TRIM38: variants seen among roughly 807,000 people sequenced by gnomAD.
The protein encoded by TRIM38 is E3 ubiquitin-protein ligase TRIM38.
TRIM38 carries 35 observed loss-of-function variants against 35.8 expected under a neutral mutation model. The observed-to-expected ratio is 0.98, with a 90% CI of 0.75 to 1.30. The LOEUF (loss-of-function observed/expected upper bound fraction) is 1.30. TRIM38 is among the 50% of genes most tolerant of loss of function. The pLI, the probability that TRIM38 is intolerant of heterozygous loss-of-function variation, is 0.00. For missense variants in TRIM38, 545 were observed against 556.9 expected (o/e 0.98, Z 0.21); for synonymous variants, 198 against 204.7 (o/e 0.97, Z 0.28).
chr6:25,979,470 A>T (rs1316795810), intron 7 of TRIM38, among the ~76,000 whole-genome samples: 1 of 152,122 alleles, frequency 6.6e-6, no homozygotes, highest in Non-Finnish European at 1.5e-5. Context: ...TTTTCTAGGA[A>T]GTAATAATTT....
chr6:25,987,680 T>TA lies in TRIM38; in HGVS notation c.*3994dup, dbSNP rs769532244. On this transcript the variant is annotated 3_prime_UTR_variant, in exon 8 of 8. Transcript: ENST00000357085. ...GTAGTACATTTATTACAATTGAACT[T>TA]ACATTGACACGTCATTATCAACGAA... 3.3e-5 allele frequency: 5 copies of TA among 152,208 alleles called. No individual in the cohort carries two copies. Among genetic ancestry groups the TA allele is most frequent in the African/African-American group, 4.8e-5 (2 of 41,448 alleles). 9.4% of individuals were successfully genotyped at this position (152,208 alleles called of 1,614,324 possible).
chr6:25,983,109 C>G, intron 7 of TRIM38, 55 bp from the exon 8 acceptor site: 1 of 1,493,820 alleles, frequency 6.7e-7, no homozygotes, highest in African/African-American at 1.4e-5. Context: ...AATAAAATAA[C>G]CTGTGTTCTT....
In TRIM38 at chr6:25,969,371, G is replaced by A; in HGVS notation, c.458G>A (p.Arg153Lys). 2 of 1,612,974 alleles carry A rather than the reference G, an allele frequency of 1.2e-6. No homozygotes were observed. The highest frequency in any genetic ancestry group is 2.2e-5 in the South Asian group (2 of 90,654). The change falls in exon 4 of 8, where the codon AGA (arginine) becomes AAA (lysine). Residue 153 changes from arginine (R) to lysine (K), a missense_variant. By Grantham distance (26) the Arg-to-Lys change is conservative (BLOSUM62 2). Transcript: ENST00000357085. ...ACAAAACTGAAGCAACTTGAAGACAGATGTACGGAGCAGAAGCTGTCCACA... is the reference window on the plus strand; with the variant it reads ...ACAAAACTGAAGCAACTTGAAGACAAATGTACGGAGCAGAAGCTGTCCACA... ...AVTKLKQLED[R>K]CTEQKLSTAM...
chr6:25,978,028 T>G (rs1760447596), intron 7 of TRIM38, among the ~76,000 whole-genome samples: 1 of 152,128 alleles, frequency 6.6e-6, no homozygotes, highest in African/African-American at 2.4e-5. Context: ...CTTCATAATA[T>G]ATATATACAC....
intron 7 of TRIM38, among the ~76,000 whole-genome samples, chr6:25,975,856 C>T (rs1478921594): frequency 6.6e-6 from 1 of 152,160 alleles, no homozygotes; most frequent in African/African-American, 2.4e-5. Context: ...TACAATGTTG[C>T]TACAATAACT....
At chr6:25,971,834 A>G in intron 4 of TRIM38, 35 bp from the exon 5 acceptor site, 1 of 1,570,088 alleles carries the variant, frequency 6.4e-7, no homozygotes, top group Non-Finnish European at 8.8e-7. Flanking sequence ...CATTTGGTTT[A>G]CTTCCACCTT....
intron 7 of TRIM38, chr6:25,975,151 TG>T: frequency 1.0e-6 from 1 of 976,680 alleles, no homozygotes; most frequent in Non-Finnish European, 1.2e-6. Flanking sequence ...ATTTCTTAAA[TG>T]GGCTTATCTT....
chr6:25,973,786 A>C, intron 7 of TRIM38: 2 of 985,458 alleles, frequency 2.0e-6, no homozygotes, highest in Non-Finnish European at 2.4e-6. Context: ...CTTGACTTAG[A>C]TAACACAGAT....
chr6:25,973,409 C>G, intron 7 of TRIM38, 124 bp downstream of exon 7: 2 of 1,458,062 alleles, frequency 1.4e-6, no homozygotes, highest in Non-Finnish European at 1.8e-6. Context: ...TTCAGTAGAG[C>G]TTTCATACTT....
In TRIM38 at chr6:25,983,242, A is replaced by T. The variant is rs1374604876; in HGVS notation, c.953A>T (p.Tyr318Phe). 3 of 1,614,036 alleles carry T rather than the reference A, an allele frequency of 1.9e-6. No individual in the cohort carries two copies. Among genetic ancestry groups the T allele is most frequent in the Non-Finnish European group, 2.5e-6 (3 of 1,179,990 alleles). The change falls in exon 8 of 8, where the codon TAC becomes TTC. Residue 318 changes from tyrosine (Y) to phenylalanine (F), a missense_variant. By Grantham distance (22) the Tyr-to-Phe change is conservative. Transcript: ENST00000357085. ...SEDRRQVTRG[Y>F]TQENQDTSSR... is the part of the protein sequence containing the mutation. ...GATCGGAGACAAGTGACTCGTGGATACACCCAGGAGAATCAGGACACATCT... is the reference window on the plus strand; with the variant it reads ...GATCGGAGACAAGTGACTCGTGGATTCACCCAGGAGAATCAGGACACATCT...
chr6:25,981,860 GAGA>G (rs933062781), intron 7 of TRIM38, among the ~76,000 whole-genome samples: 5 of 152,348 alleles, frequency 3.3e-5, no homozygotes, highest in Admixed American at 2.6e-4. Flanking sequence ...TCCTGCATGG[GAGA>G]AGAACTTTGG....
rs59539108 is a variant in TRIM38, at chr6:25,989,510, CTTTTTTTTTTTT to C, written c.*5836_*5847del. 13 of 93,730 alleles carry C rather than the reference CTTTTTTTTTTTT, an allele frequency of 1.4e-4. No homozygotes were observed. The highest frequency in any genetic ancestry group is 2.2e-4 in the Non-Finnish European group (10 of 45,640). 5.8% of individuals were successfully genotyped at this position (93,730 alleles called of 1,614,324 possible). On this transcript the variant is annotated 3_prime_UTR_variant, in exon 8 of 8. Transcript: ENST00000357085. ...GCTATTGTTAGCAAGGTCTTGTATT[CTTTTTTTTTTTT>C]TTTTTTTTTTTTAATAGAGACGGGT... is the stretch of plus-strand genomic sequence containing the variant.
chr6:25,963,405 G>A (rs1299813250), intron 2 of TRIM38, 123 bp downstream of exon 2: 4 of 151,724 alleles, frequency 2.6e-5, no homozygotes, highest in African/African-American at 9.7e-5. Flanking sequence ...GGGAGGGATC[G>A]GGGGTACAGG....
chr6:25,966,254 A>G lies in TRIM38; in HGVS notation c.-188-81A>G, dbSNP rs563816404. On this transcript the variant is annotated intron_variant, in intron 2 of 7. Coordinates refer to ENST00000357085, the MANE Select transcript of TRIM38 (RefSeq NM_006355.5). ...AACCACTTGTAACTGCTTGCTAATG[A>G]GGGCAACTTGAAACTCTGCACTTGG... 2.4e-4 allele frequency: 92 copies of G among 384,482 alleles called. 1 individual carries two copies. Among genetic ancestry groups the G allele is most frequent in the African/African-American group, 1.8e-3 (87 of 48,626 alleles). The allele number at this position is 384,482 out of a possible 1,614,324, so 23.8% of individuals were successfully genotyped here.
At chr6:25,973,967 G>A (rs978210230) in intron 7 of TRIM38, 2 of 764,598 alleles carry the variant, frequency 2.6e-6, no homozygotes, top group East Asian at 2.6e-4. Flanking sequence ...GATTCATTTG[G>A]CTACAAAAAT....
intron 3 of TRIM38, among the ~76,000 whole-genome samples, chr6:25,968,746 A>C (rs1320394323): frequency 6.6e-6 from 1 of 152,232 alleles, no homozygotes; most frequent in Non-Finnish European, 1.5e-5. Context: ...ATGAATACTA[A>C]ATCATTTTAA....
chr6:25,985,404 C>A lies in TRIM38; in HGVS notation c.*1717C>A, dbSNP rs1386626208. ...TGTCACTTAAAAAATGTATTCTTTT[C>A]TTAAAATGCTATATAAGCCCAAGTT... On this transcript the variant is annotated 3_prime_UTR_variant, in exon 8 of 8. Transcript: ENST00000357085. 1 of 151,144 alleles carries A rather than the reference C, an allele frequency of 6.6e-6. No homozygotes were observed. Among genetic ancestry groups the A allele is most frequent in the Non-Finnish European group, 1.5e-5 (1 of 67,894 alleles). 9.4% of individuals were successfully genotyped at this position (151,144 alleles called of 1,614,324 possible). A position where few individuals can be genotyped will look rare whatever the true frequency, so the allele number is the denominator to read the frequency against.
In TRIM38 at chr6:25,973,039, T is replaced by G; in HGVS notation, c.739-15T>G. 1 of 1,614,128 alleles carries G rather than the reference T, an allele frequency of 6.2e-7. No homozygotes were observed. Among genetic ancestry groups the G allele is most frequent in the Non-Finnish European group, 8.5e-7 (1 of 1,180,010 alleles). ...GATGTTCCCATGCTCACCTTTTCTT[T>G]TTGTTTCTTTATAGAATGTGAATGA... On this transcript the variant is annotated splice_polypyrimidine_tract_variant and intron_variant, in intron 5 of 7. Transcript: ENST00000357085.
At chr6:25,965,103 G>A (rs987660005) in intron 2 of TRIM38, among the ~76,000 whole-genome samples, 3 of 152,160 alleles carry the variant, frequency 2.0e-5, no homozygotes, top group South Asian at 2.1e-4. Flanking sequence ...GTGAGCCACC[G>A]TGCTGGCCTG....
Sources: allele counts gnomAD v4.1 joint callset (sites outside exome capture counted in the v4.1 genomes callset), GRCh38; gene constraint gnomAD v4.1.1; transcripts MANE v1.5; gene names NCBI Gene and HGNC (gene_info 2026-07-23, HGNC 2026-07-21).